SPIB: variants seen among roughly 807,000 people sequenced by gnomAD.
The protein encoded by SPIB is transcription factor Spi-B.
A neutral mutation model predicts 31.9 loss-of-function variants in SPIB; 7 were observed. The ratio of observed to expected loss-of-function variants is 0.22; its 90% CI spans 0.12 to 0.41. The LOEUF is 0.41. Among genes scored for constraint, SPIB ranks in the 10% least tolerant of loss-of-function variants. SPIB has a pLI of 1.00. For missense variants in SPIB, 327 were observed against 360.2 expected, an observed-to-expected ratio of 0.91 and a Z score of 0.75; for synonymous variants, 176 against 158.9, an observed-to-expected ratio of 1.11 and a Z score of -0.81.
chr19:50,425,510 G>T (rs766715438), intron 5 of SPIB, among the ~76,000 whole-genome samples: 2 of 152,088 alleles, frequency 1.3e-5, no homozygotes, highest in Admixed American at 1.3e-4. Flanking sequence ...GCGCAATCTC[G>T]GCTCACTACT....
chr19:50,421,821 T>G (rs1242711294), intron 2 of SPIB, among the ~76,000 whole-genome samples: 1 of 152,124 alleles, frequency 6.6e-6, no homozygotes, highest in African/African-American at 2.4e-5. Context: ...CCCCATGTTG[T>G]GCAGGCTGGT....
chr19:50,426,420 C>T (rs1425802590), intron 5 of SPIB, among the ~76,000 whole-genome samples: 14 of 152,062 alleles, frequency 9.2e-5, no homozygotes, highest in Admixed American at 8.5e-4. Context: ...CTGAGGAACT[C>T]GGGGAGGGAG....
chr19:50,423,331 G>A (rs143825743), intron 4 of SPIB: 206 of 516,810 alleles, frequency 4.0e-4, no homozygotes, highest in Non-Finnish European at 5.9e-4. Flanking sequence ...CCCAGGTTAC[G>A]TTCCGTTGTT....
chr19:50,419,074 T>A, intron 1 of SPIB, 89 bp downstream of exon 1: 1 of 1,468,660 alleles, frequency 6.8e-7, no homozygotes, highest in Non-Finnish European at 9.3e-7. Flanking sequence ...GTTTCTCTGC[T>A]CCTCACGGCC....
intron 1 of SPIB, 128 bp downstream of exon 1, chr19:50,419,113 A>G (rs2244095): frequency 0.87 from 949,549 of 1,092,000 alleles, 419,468 homozygotes; most frequent in African/African-American, 0.93. Flanking sequence ...GGAGGGGTCC[A>G]CCCTGTCTCT....
At chr19:50,420,711 T>C (rs975853369) in intron 2 of SPIB, among the ~76,000 whole-genome samples, 8 of 152,232 alleles carry the variant, frequency 5.3e-5, no homozygotes, top group Non-Finnish European at 8.8e-5. Flanking sequence ...CACTGCAAGC[T>C]CCACCTCCCG....
chr19:50,427,867 C>CGA (rs1555795032), intron 5 of SPIB, among the ~76,000 whole-genome samples, 171 bp from the exon 6 acceptor site: 1 of 141,374 alleles, frequency 7.1e-6, no homozygotes, highest in Admixed American at 7.1e-5. Flanking sequence ...TGCCCCCCCC[C>CGA]CCCCCCGTGG....
chr19:50,419,218 A>G (rs1389647341), intron 1 of SPIB, among the ~76,000 whole-genome samples: 1 of 151,988 alleles, frequency 6.6e-6, no homozygotes, highest in Non-Finnish European at 1.5e-5. Context: ...TCCCCAGAAC[A>G]CTTGCTAGCG....
At position 50,428,160 on chromosome 19, in the gene SPIB, A is replaced by C; in HGVS notation, c.613A>C (p.Lys205Gln). 6.3e-7 allele frequency: 1 copy of C among 1,590,640 alleles called. No individual in the cohort carries two copies. The highest frequency in any genetic ancestry group is 8.6e-7 in the Non-Finnish European group (1 of 1,168,590). ...AGVFQFSSKHKELLARRWGQQ... is the reference protein window; with the variant it reads ...AGVFQFSSKHQELLARRWGQQ... ...CGTCTTCCAGTTCTCCTCCAAGCAC[A>C]AGGAACTCCTGGCGCGCCGCTGGGG... The change falls in exon 6 of 6, where the codon AAG becomes CAG. Residue 205 changes from lysine (K) to glutamine (Q), a missense_variant. Lys to Gln is a moderately conservative substitution (Grantham distance 53). This residue lies in a region of SPIB where 54 missense variants were observed against 69.5 expected (regional missense o/e 0.78). Coordinates refer to ENST00000595883, the MANE Select transcript of SPIB (RefSeq NM_003121.5). This position sits in a 1 kb window ranked among gnomAD's most constrained non-coding sequence, Gnocchi z 6.5.
At chr19:50,426,347 T>C (rs1052518335) in intron 5 of SPIB, among the ~76,000 whole-genome samples, 1 of 152,040 alleles carries the variant, frequency 6.6e-6, no homozygotes, top group African/African-American at 2.4e-5. Context: ...TGTCCATGGC[T>C]CTCCCACAGG....
chr19:50,423,703 C>A lies in SPIB; in HGVS notation c.438C>A (p.Ser146Arg). 6.2e-7 allele frequency: 1 copy of A among 1,613,406 alleles called. No individual in the cohort carries two copies. The highest frequency in any genetic ancestry group is 8.5e-7 in the Non-Finnish European group (1 of 1,179,746). ...GCCCTGCCCTGGAGGTCTCGGACAGCGAGTCGGATGAGGCCCTCGTGGCTG... is the reference window on the plus strand; with the variant it reads ...GCCCTGCCCTGGAGGTCTCGGACAGAGAGTCGGATGAGGCCCTCGTGGCTG... The part of the protein sequence containing the change: ...LDSPALEVSD[S>R]ESDEALVAGP... Residue 146 changes from serine (S) to arginine (R), a missense_variant, in exon 5 of 6, where the codon AGC becomes AGA. Around this residue, in one of 4 missense-constraint regions of SPIB, gnomAD observed 238 missense variants for 228.8 expected, o/e 1.04. Coordinates refer to ENST00000595883, the MANE Select transcript of SPIB (RefSeq NM_003121.5).
intron 5 of SPIB, among the ~76,000 whole-genome samples, chr19:50,424,564 C>T (rs1015311171): frequency 2.6e-5 from 4 of 152,072 alleles, no homozygotes; most frequent in Admixed American, 6.6e-5. Flanking sequence ...GGATGGATCA[C>T]GAGGTCAAGA....
intron 1 of SPIB, 29 bp downstream of exon 1, chr19:50,419,014 G>A (rs373382659): frequency 1.2e-5 from 18 of 1,550,332 alleles, no homozygotes; most frequent in South Asian, 3.6e-5. Context: ...ACCTGCACCC[G>A]GGGTCCCCAC....
rs937144869 is a variant in SPIB, at chr19:50,428,008, A to AC, written c.491-28dup. The stretch of plus-strand genomic sequence containing the variant: ...GAAGGCGGGGCCTTAGGGACCCCTC[A>AC]CCTAACGCGTGCCCCCGACCCCACC... On this transcript the variant is annotated intron_variant, in intron 5 of 5. Coordinates refer to ENST00000595883, the MANE Select transcript of SPIB (RefSeq NM_003121.5). The surrounding 1 kb of genome is among the most constrained non-coding windows in gnomAD (Gnocchi z 6.5). 5.4e-6 allele frequency: 8 copies of AC among 1,474,302 alleles called. No individual in the cohort carries two copies. The highest frequency in any genetic ancestry group is 4.2e-5 in the African/African-American group (3 of 70,928). 91.3% of individuals were successfully genotyped at this position (1,474,302 alleles called of 1,614,324 possible).
intron 5 of SPIB, among the ~76,000 whole-genome samples, chr19:50,427,108 T>C (rs2039574598): frequency 6.6e-6 from 1 of 150,562 alleles, no homozygotes; most frequent in Non-Finnish European, 1.5e-5. Context: ...CCATCCTGGG[T>C]GACAGAACGA....
rs1354679014 is a variant in SPIB, at chr19:50,422,624, A to C, written c.124+79A>C. ...GGGGAGCTGAGGCCCAGGGGAGGTC[A>C]TTTCCTAGCACAACAGGATAAAGGT... On this transcript the variant is annotated intron_variant, in intron 3 of 5. Coordinates refer to ENST00000595883, the MANE Select transcript of SPIB (RefSeq NM_003121.5). 8 of 1,487,050 alleles carry C rather than the reference A, an allele frequency of 5.4e-6. No individual in the cohort carries two copies. The Admixed American group carries it at 1.1e-4, about 20-fold the overall frequency. The allele number at this position is 1,487,050 out of a possible 1,614,324, so 92.1% of individuals were successfully genotyped here.
At position 50,424,375 on chromosome 19, in the gene SPIB, G is replaced by A. The variant is rs937183432; in HGVS notation, c.490+620G>A. 5.3e-5 allele frequency among the ~76,000 whole-genome samples: 8 copies of A among 152,310 alleles called. No homozygotes were observed. In the East Asian group the frequency reaches 1.5e-3, roughly 29 times the overall value. On this transcript the variant is annotated intron_variant, in intron 5 of 5. Coordinates refer to ENST00000595883, the MANE Select transcript of SPIB (RefSeq NM_003121.5). ...AAAAATCAACACACAGGCTGGGTGT[G>A]GTGGCTCACGCCTGTAATCCCAGCA...
chr19:50,424,226 G>T (rs774160518), intron 5 of SPIB, among the ~76,000 whole-genome samples: 2 of 152,140 alleles, frequency 1.3e-5, no homozygotes, highest in African/African-American at 2.4e-5. Flanking sequence ...TCGGTTTCTC[G>T]TCTGTAAAGT....
rs1448328151 is a variant in SPIB at position 50,430,928 on chromosome 19, G to A, written c.*2592G>A. ...GCCCTTAAGAGAATGAGTGGGAAGG[G>A]GGAGGGAGGAAGGGCAGGTAAAACG... is the stretch of plus-strand genomic sequence containing the variant. On this transcript the variant is annotated 3_prime_UTR_variant, in exon 6 of 6. Coordinates refer to ENST00000595883, the MANE Select transcript of SPIB (RefSeq NM_003121.5). 6.6e-6 allele frequency: 1 copy of A among 152,250 alleles called. No individual in the cohort carries two copies. Among genetic ancestry groups the A allele is most frequent in the Non-Finnish European group, 1.5e-5 (1 of 68,062 alleles). 9.4% of individuals were successfully genotyped at this position (152,250 alleles called of 1,614,324 possible).
Sources: gnomAD v4.1 joint callset for allele counts (sites outside exome capture counted in the v4.1 genomes callset) on GRCh38, gnomAD v4.1.1 for gene constraint, gnomAD v4.1.1 regional missense constraint, Gnocchi (gnomAD v3.1) non-coding constraint, MANE v1.5 for transcripts, NCBI Gene and HGNC (gene_info 2026-07-23, HGNC 2026-07-21) for gene names.